CADM1: variants seen among roughly 807,000 people sequenced by gnomAD.
CADM1 encodes the protein TSLC-1.
CADM1 carries 15 observed loss-of-function variants against 53.1 expected under a neutral mutation model. The ratio of observed to expected loss-of-function variants is 0.28; its 90% confidence interval spans 0.19 to 0.44. The LOEUF (loss-of-function observed/expected upper bound fraction) is 0.44. Among genes scored for constraint, CADM1 ranks in the 20% least tolerant of loss-of-function variants. The probability of loss-of-function intolerance (pLI) is 1.00; values close to 1 mark genes in which losing one functional copy is unlikely to be tolerated. For missense variants in CADM1, 434 were observed against 611.3 expected, an observed-to-expected ratio of 0.71 and a Z score of 3.06; for synonymous variants, 281 against 243.0, an observed-to-expected ratio of 1.16 and a Z score of -1.45.
At chr11:115,222,191 G>C (rs1403050179) in intron 5 of CADM1, among the ~76,000 whole-genome samples, 1 of 152,130 alleles carries the variant, frequency 6.6e-6, no homozygotes, top group Non-Finnish European at 1.5e-5. Context: ...AGCGGGTCTG[G>C]GTCAGCCCCT....
intron 10 of CADM1, among the ~76,000 whole-genome samples, chr11:115,186,645 G>A (rs904171860): frequency 7.2e-5 from 11 of 152,120 alleles, no homozygotes; most frequent in African/African-American, 2.7e-4. Context: ...TATAAATGGA[G>A]ACCAAGAGCC....
chr11:115,437,492 G>A (rs910702561), intron 1 of CADM1, among the ~76,000 whole-genome samples: 8 of 152,132 alleles, frequency 5.3e-5, no homozygotes, highest in South Asian at 4.1e-4. Flanking sequence ...ACAAATCAGC[G>A]CAGGAAGACA....
intron 1 of CADM1, among the ~76,000 whole-genome samples, chr11:115,447,290 T>A (rs1471568645): frequency 1.3e-5 from 2 of 152,200 alleles, no homozygotes; most frequent in Non-Finnish European, 1.5e-5. Flanking sequence ...CTGCCATTTA[T>A]TAAGTATATG....
intron 1 of CADM1, among the ~76,000 whole-genome samples, chr11:115,307,515 A>T (rs1042488700): frequency 1.5e-4 from 18 of 117,802 alleles, no homozygotes; most frequent in African/African-American, 5.6e-4. Flanking sequence ...CAGGAAAAAA[A>T]AAATATATAT....
chr11:115,280,911 G>C (rs1356589916), intron 1 of CADM1, among the ~76,000 whole-genome samples: 1 of 152,202 alleles, frequency 6.6e-6, no homozygotes, highest in African/African-American at 2.4e-5. Context: ...AATGCGTTCT[G>C]CTCAAAAACA....
rs1446099427 is a variant in CADM1, at chr11:115,370,846, C to T, written c.125-130426G>A. ...CCACAGTGAATACCTAATGTTACTG[C>T]AACTCAGCTATTAAAGAATTCAGCA... On this transcript the variant is annotated intron_variant, in intron 1 of 11. Transcript: ENST00000331581. 2.6e-5 allele frequency among the ~76,000 whole-genome samples: 4 copies of T among 152,202 alleles called. No homozygotes were observed. In the East Asian group the frequency reaches 7.7e-4, roughly 29 times the overall value.
intron 1 of CADM1, among the ~76,000 whole-genome samples, chr11:115,387,533 G>C (rs886189020): frequency 6.6e-6 from 1 of 152,130 alleles, no homozygotes; most frequent in Non-Finnish European, 1.5e-5. Context: ...AGAAAGTGTG[G>C]AGGGAAAACA....
At chr11:115,320,071 T>C (rs1285967051) in intron 1 of CADM1, among the ~76,000 whole-genome samples, 1 of 152,172 alleles carries the variant, frequency 6.6e-6, no homozygotes, top group Non-Finnish European at 1.5e-5. Flanking sequence ...CATTCATTCA[T>C]GTATTTTTTA....
chr11:115,169,555 C>T lies in CADM1; in HGVS notation c.*6919G>A, dbSNP rs1229867511. 2.9e-5 allele frequency: 13 copies of T among 454,968 alleles called. No individual in the cohort carries two copies. Among genetic ancestry groups the T allele is most frequent in the South Asian group, 1.9e-4 (12 of 64,008 alleles). The allele number at this position is 454,968 out of a possible 1,614,324, so 28.2% of individuals were successfully genotyped here. A position where few individuals can be genotyped will look rare whatever the true frequency, so the allele number is the denominator to read the frequency against. The stretch of plus-strand genomic sequence containing the variant: ...TTCCTTGTCCAAACGATAAAAGATT[C>T]ATGTTCCTAATTGCAACACTATAGC... On this transcript the variant is annotated 3_prime_UTR_variant, in exon 12 of 12. Transcript: ENST00000331581.
chr11:115,258,933 C>T (rs1942877796), intron 1 of CADM1, among the ~76,000 whole-genome samples: 1 of 151,896 alleles, frequency 6.6e-6, no homozygotes, highest in Non-Finnish European at 1.5e-5. Context: ...TCATAGGTGC[C>T]CTAGAAAGCT....
chr11:115,256,404 A>G (rs1235544389), intron 1 of CADM1, among the ~76,000 whole-genome samples: 1 of 152,248 alleles, frequency 6.6e-6, no homozygotes, highest in East Asian at 1.9e-4. Context: ...TTCATTTCAC[A>G]CAGCCTCTTA....
At position 115,260,736 on chromosome 11, in the gene CADM1, G is replaced by A. The variant is rs1345728350; in HGVS notation, c.125-20316C>T. 2.0e-5 allele frequency among the ~76,000 whole-genome samples: 3 copies of A among 151,778 alleles called. No homozygotes were observed. In the South Asian group the frequency reaches 6.3e-4, roughly 32 times the overall value. On this transcript the variant is annotated intron_variant, in intron 1 of 11. Transcript: ENST00000331581. Reference sequence around the variant, plus strand: ...TGCCCAGGCTGGAGTGCAGTGGCACGATCTTGGCTCACTGCAAGCTCCGCC... The same window carrying A: ...TGCCCAGGCTGGAGTGCAGTGGCACAATCTTGGCTCACTGCAAGCTCCGCC...
At chr11:115,361,145 C>G (rs1187342524) in intron 1 of CADM1, among the ~76,000 whole-genome samples, 1 of 152,074 alleles carries the variant, frequency 6.6e-6, no homozygotes, top group Non-Finnish European at 1.5e-5. Flanking sequence ...TAAAAAAGTA[C>G]CCTGAAGCAA....
chr11:115,189,922 T>C (rs908648984), intron 10 of CADM1, among the ~76,000 whole-genome samples: 8 of 152,196 alleles, frequency 5.3e-5, no homozygotes, highest in African/African-American at 1.2e-4. Flanking sequence ...AATAAATCAA[T>C]TGCACTTTGA....
At chr11:115,311,042 G>A (rs565284817) in intron 1 of CADM1, among the ~76,000 whole-genome samples, 30 of 152,182 alleles carry the variant, frequency 2.0e-4, no homozygotes, top group Non-Finnish European at 2.8e-4. Flanking sequence ...CAACTACTTC[G>A]TGATATGATA....
intron 1 of CADM1, among the ~76,000 whole-genome samples, chr11:115,499,123 C>A (rs374750790): frequency 2.0e-3 from 308 of 152,004 alleles, no homozygotes; most frequent in African/African-American, 7.2e-3. Context: ...AAAAAAAATT[C>A]TCAGCTTTTT....
intron 1 of CADM1, among the ~76,000 whole-genome samples, chr11:115,261,677 T>C (rs1942978157): frequency 6.6e-6 from 1 of 152,242 alleles, no homozygotes; most frequent in Non-Finnish European, 1.5e-5. Flanking sequence ...AAGTTTCTTT[T>C]TCTGAAAATG....
chr11:115,406,513 A>G (rs556239758), intron 1 of CADM1, among the ~76,000 whole-genome samples: 10 of 148,258 alleles, frequency 6.7e-5, no homozygotes, highest in Non-Finnish European at 1.5e-4. Flanking sequence ...TATAAATATT[A>G]TATATTATAT....
intron 1 of CADM1, among the ~76,000 whole-genome samples, chr11:115,285,389 C>T (rs1391043152): frequency 6.6e-6 from 1 of 152,198 alleles, no homozygotes; most frequent in East Asian, 1.9e-4. Flanking sequence ...AGTTCATTTA[C>T]CCTCAATAAA....
Sources: gnomAD v4.1 joint callset for allele counts (sites outside exome capture counted in the v4.1 genomes callset) on GRCh38, gnomAD v4.1.1 for gene constraint, MANE v1.5 for transcripts, NCBI Gene and HGNC (gene_info 2026-07-23, HGNC 2026-07-21) for gene names.